COL11A1: variants seen among roughly 807,000 people sequenced by gnomAD.
The protein encoded by COL11A1 is collagen alpha-1(XI) chain.
COL11A1 carries 74 observed loss-of-function variants against 265.2 expected under a neutral mutation model. The ratio of observed to expected loss-of-function variants is 0.28; its 90% confidence interval spans 0.23 to 0.34. The LOEUF (loss-of-function observed/expected upper bound fraction) is 0.34, where lower values mean the gene tolerates loss of function less well. Ranked by LOEUF, COL11A1 falls within the 10% of genes least tolerant of loss-of-function variation. The pLI is 1.00. For missense variants in COL11A1, 2,165 were observed against 2,263.6 expected (o/e 0.96, Z 0.88); for synonymous variants, 816 against 727.6 (o/e 1.12, Z -1.96).
At chr1:103,098,185 G>A (rs1385616503) in intron 1 of COL11A1, among the ~76,000 whole-genome samples, 2 of 151,860 alleles carry the variant, frequency 1.3e-5, no homozygotes, top group African/African-American at 4.8e-5. Context: ...CTGGAGAGAA[G>A]GATTAAAAGA....
chr1:103,106,058 G>C (rs899353588), intron 1 of COL11A1, among the ~76,000 whole-genome samples: 2 of 152,156 alleles, frequency 1.3e-5, no homozygotes, highest in African/African-American at 4.8e-5. Flanking sequence ...AATAGGGAAA[G>C]TTGTTTTCCC....
intron 5 of COL11A1, among the ~76,000 whole-genome samples, chr1:103,029,077 A>G (rs901829285): frequency 6.6e-6 from 1 of 152,106 alleles, no homozygotes; most frequent in African/African-American, 2.4e-5. Context: ...TGATGGTTGT[A>G]AAGTTATGTC....
intron 43 of COL11A1, among the ~76,000 whole-genome samples, chr1:102,940,109 T>C (rs1658567972): frequency 2.0e-5 from 3 of 152,224 alleles, no homozygotes; most frequent in Non-Finnish European, 4.4e-5. Flanking sequence ...GTTCTTTTAA[T>C]TGAGTTTTCT....
intron 41 of COL11A1, among the ~76,000 whole-genome samples, chr1:102,958,025 A>G (rs1255723485): frequency 6.6e-6 from 1 of 152,116 alleles, no homozygotes; most frequent in Non-Finnish European, 1.5e-5. Flanking sequence ...CCTTAATACA[A>G]ATAACCACTG....
chr1:103,103,795 A>G (rs1398654314), intron 1 of COL11A1, among the ~76,000 whole-genome samples: 1 of 151,970 alleles, frequency 6.6e-6, no homozygotes, highest in Non-Finnish European at 1.5e-5. Context: ...TACTTCCCAT[A>G]AATTAAATGT....
rs377121322 is a variant in COL11A1 at position 103,055,919 on chromosome 1, TCTTG to T, written c.651+18695_651+18698del. On this transcript the variant is annotated intron_variant, in intron 4 of 66. Transcript: ENST00000370096. ...GTGTGAGCCCGCTACAGCCCAACTC[TCTTG>T]CTGTTGAAAACTATAAACTCTGAAC... Among the ~76,000 whole-genome samples, 671 of 152,268 alleles carry T rather than the reference TCTTG, an allele frequency of 4.4e-3. 4 individuals are homozygous for T. Among genetic ancestry groups the T allele is most frequent in the African/African-American group, 0.015 (624 of 41,528 alleles).
intron 42 of COL11A1, among the ~76,000 whole-genome samples, chr1:102,942,259 T>A (rs1658797974): frequency 6.6e-6 from 1 of 152,158 alleles, no homozygotes; most frequent in African/African-American, 2.4e-5. Flanking sequence ...TAAAAGTCAA[T>A]CCTTTTGTAT....
chr1:102,975,445 A>G (rs757318359), intron 35 of COL11A1, among the ~76,000 whole-genome samples: 13 of 152,094 alleles, frequency 8.5e-5, no homozygotes, highest in Non-Finnish European at 1.8e-4. Context: ...TATATTTTTT[A>G]CTCATGTATA....
At chr1:103,002,009 T>C (rs1279944745) in intron 23 of COL11A1, 40 bp from the exon 24 acceptor site, 27 of 1,545,558 alleles carry the variant, frequency 1.7e-5, no homozygotes, top group Non-Finnish European at 2.3e-5. Flanking sequence ...AGATATCAAA[T>C]CACAGTAATA....
chr1:103,085,698 A>G (rs1341806079), intron 1 of COL11A1, among the ~76,000 whole-genome samples: 1 of 152,220 alleles, frequency 6.6e-6, no homozygotes, highest in Admixed American at 6.5e-5. Flanking sequence ...CCTGAGATAT[A>G]AAAATTATAA....
At chr1:103,098,849 G>T (rs1202681197) in intron 1 of COL11A1, among the ~76,000 whole-genome samples, 1 of 151,860 alleles carries the variant, frequency 6.6e-6, no homozygotes, top group Non-Finnish European at 1.5e-5. Flanking sequence ...AAATAACAAA[G>T]TGGGAGAGTG....
Position 102,898,925 on chromosome 1 carries a change from A to AT in COL11A1, c.4140+15dup. The AT allele has an allele frequency of 2.3e-5, 30 of 1,314,006 alleles. No individual in the cohort carries two copies. Among genetic ancestry groups the AT allele is most frequent in the Non-Finnish European group, 3.0e-5 (29 of 959,316 alleles). The allele number at this position is 1,314,006 out of a possible 1,614,324, so 81.4% of individuals were successfully genotyped here. A position where few individuals can be genotyped will look rare whatever the true frequency, so the allele number is the denominator to read the frequency against. On this transcript the variant is annotated intron_variant, in intron 55 of 66. Coordinates refer to ENST00000370096, the MANE Select transcript of COL11A1 (RefSeq NM_001854.4). ...AATATATAATATATATTATGTATAT[A>AT]TTATTTTTTTTTTACCTTAGCACCT...
At position 103,073,677 on chromosome 1, in the gene COL11A1, T is replaced by G. The variant is rs143012783; in HGVS notation, c.651+941A>C. On this transcript the variant is annotated intron_variant, in intron 4 of 66. Transcript: ENST00000370096. ...ACAAATGTTTATTATAATAATAATTTTAAATAAAACTACACTGTAGGATAT... is the reference window on the plus strand; with the variant it reads ...ACAAATGTTTATTATAATAATAATTGTAAATAAAACTACACTGTAGGATAT... Among the ~76,000 whole-genome samples the G allele has an allele frequency of 8.4e-3, 1,278 of 151,980 alleles. 38 individuals are homozygous for G. Among genetic ancestry groups the G allele is most frequent in the Admixed American group, 0.058 (880 of 15,232 alleles).
At chr1:102,933,633 T>A (rs565381138) in intron 46 of COL11A1, among the ~76,000 whole-genome samples, 2 of 152,200 alleles carry the variant, frequency 1.3e-5, no homozygotes, top group Non-Finnish European at 2.9e-5. Flanking sequence ...TCGAGCTTCC[T>A]GGCTGCTTTG....
intron 10 of COL11A1, 23 bp downstream of exon 10, chr1:103,018,795 A>G (rs755132111): frequency 6.3e-7 from 1 of 1,596,018 alleles, no homozygotes; most frequent in Admixed American, 1.7e-5. Flanking sequence ...ATAGACAAAA[A>G]TAATCTTAAA....
chr1:103,017,293 T>C (rs955902210), intron 11 of COL11A1, among the ~76,000 whole-genome samples: 8 of 152,108 alleles, frequency 5.3e-5, no homozygotes, highest in African/African-American at 1.9e-4. Context: ...ATAAGTTATT[T>C]GCATCTCTGA....
At chr1:103,086,607 G>T (rs1323436018) in intron 1 of COL11A1, among the ~76,000 whole-genome samples, 1 of 151,698 alleles carries the variant, frequency 6.6e-6, no homozygotes, top group Non-Finnish European at 1.5e-5. Context: ...TAGTAGAGAC[G>T]GGGTTTCACA....
chr1:102,984,934 A>G (rs915597667), intron 30 of COL11A1, among the ~76,000 whole-genome samples: 2 of 152,068 alleles, frequency 1.3e-5, no homozygotes, highest in African/African-American at 4.8e-5. Context: ...ATGAAGTCCA[A>G]CAATGTGTAA....
chr1:102,911,715 G>A lies in COL11A1; in HGVS notation c.4086+444C>T, dbSNP rs1238274466. On this transcript the variant is annotated intron_variant, in intron 54 of 66. Transcript: ENST00000370096. ...GTTTCCGAGCCAGAGAAGTTTGACA[G>A]TGTAAAGCAATTTAACATTATATAC... 3.3e-5 allele frequency among the ~76,000 whole-genome samples: 5 copies of A among 152,158 alleles called. No individual in the cohort carries two copies. In the East Asian group the frequency reaches 9.6e-4, roughly 29 times the overall value.
Sources: gnomAD v4.1 joint callset for allele counts (sites outside exome capture counted in the v4.1 genomes callset) on GRCh38, gnomAD v4.1.1 for gene constraint, MANE v1.5 for transcripts, NCBI Gene and HGNC (gene_info 2026-07-23, HGNC 2026-07-21) for gene names.